TAF5L: variants seen among roughly 807,000 people sequenced by gnomAD.
The protein encoded by TAF5L is TAF5-like RNA polymerase II p300/CBP-associated factor-associated factor 65 kDa subunit 5L.
A neutral mutation model predicts 51.3 loss-of-function variants in TAF5L; 7 were observed. The ratio of observed to expected loss-of-function variants is 0.14; its 90% CI spans 0.08 to 0.26. TAF5L has a LOEUF of 0.26. Among genes scored for constraint, TAF5L ranks in the 10% least tolerant of loss-of-function variants. The pLI is 1.00. For missense variants in TAF5L, 575 were observed against 758.9 expected (o/e 0.76, Z 2.85); for synonymous variants, 291 against 308.1 (o/e 0.94, Z 0.58).
intron 4 of TAF5L, chr1:229,600,291 T>C (rs1243401199): frequency 1.0e-6 from 1 of 985,418 alleles, no homozygotes; most frequent in Non-Finnish European, 1.2e-6. Flanking sequence ...AATAGGAGAA[T>C]CTCAGCTTTA....
intron 1 of TAF5L, among the ~76,000 whole-genome samples, chr1:229,617,328 C>T (rs894325097): frequency 2.6e-5 from 4 of 152,310 alleles, no homozygotes; most frequent in African/African-American, 7.2e-5. Context: ...TGTCCTTTCC[C>T]GTGTGGCCCA....
intron 1 of TAF5L, among the ~76,000 whole-genome samples, chr1:229,616,417 G>A (rs1665007811): frequency 6.6e-6 from 1 of 150,930 alleles, no homozygotes; most frequent in African/African-American, 2.4e-5. Context: ...TGTTGTCCAG[G>A]GTGGTCTCAA....
intron 4 of TAF5L, chr1:229,600,155 AC>A (rs1664317823): frequency 1.0e-6 from 1 of 985,346 alleles, no homozygotes; most frequent in Non-Finnish European, 1.2e-6. Flanking sequence ...AACATTAAAC[AC>A]CAACTATCGT....
chr1:229,611,421 T>C (rs545492171), intron 2 of TAF5L, among the ~76,000 whole-genome samples: 79 of 152,168 alleles, frequency 5.2e-4, no homozygotes, highest in African/African-American at 1.8e-3. Context: ...CAATGGAATA[T>C]GGATGGAGAA....
chr1:229,606,416 A>G, intron 3 of TAF5L: 3 of 985,116 alleles, frequency 3.0e-6, no homozygotes, highest in Non-Finnish European at 3.6e-6. Flanking sequence ...ATGAATGCCT[A>G]CCTGGTGCCC....
intron 1 of TAF5L, among the ~76,000 whole-genome samples, chr1:229,624,153 T>C (rs1052479408): frequency 6.6e-6 from 1 of 152,214 alleles, no homozygotes; most frequent in Non-Finnish European, 1.5e-5. Flanking sequence ...AATATATTGC[T>C]TGCAAAACCA....
At chr1:229,611,449 A>G (rs1212351521) in intron 2 of TAF5L, among the ~76,000 whole-genome samples, 3 of 152,194 alleles carry the variant, frequency 2.0e-5, no homozygotes, top group Non-Finnish European at 4.4e-5. Flanking sequence ...TGAATGTGGC[A>G]GGACTGAGGG....
intron 1 of TAF5L, among the ~76,000 whole-genome samples, chr1:229,615,731 C>T (rs536505745): frequency 6.6e-6 from 1 of 152,226 alleles, no homozygotes; most frequent in African/African-American, 2.4e-5. Context: ...ATAAATACTG[C>T]AGTCCAGATG....
At chr1:229,615,506 AATT>A (rs1350570414) in intron 1 of TAF5L, among the ~76,000 whole-genome samples, 1 of 152,190 alleles carries the variant, frequency 6.6e-6, no homozygotes, top group African/African-American at 2.4e-5. Context: ...ATGTCTCATA[AATT>A]CCTGTAAGAA....
chr1:229,606,074 A>G, intron 3 of TAF5L: 1 of 923,036 alleles, frequency 1.1e-6, no homozygotes, highest in Non-Finnish European at 1.3e-6. Context: ...GTTTAGAAAA[A>G]AACCTAGCTA....
intron 2 of TAF5L, 45 bp from the exon 3 acceptor site, chr1:229,610,255 C>A (rs760525162): frequency 6.3e-7 from 1 of 1,575,798 alleles, no homozygotes; most frequent in East Asian, 2.2e-5. Flanking sequence ...AACAGAGAGA[C>A]GATTATTAAC....
chr1:229,606,156 T>C (rs775609600), intron 3 of TAF5L: 410 of 985,324 alleles, frequency 4.2e-4, no homozygotes, highest in Non-Finnish European at 4.7e-4. Context: ...GGTTCAAAAT[T>C]GCTTAATTGC....
At chr1:229,617,994 G>A (rs182029922) in intron 1 of TAF5L, among the ~76,000 whole-genome samples, 10 of 152,064 alleles carry the variant, frequency 6.6e-5, no homozygotes, top group African/African-American at 2.2e-4. Context: ...CTAGAGACAC[G>A]ACCCAATCAA....
chr1:229,594,383 G>C lies in TAF5L; in HGVS notation c.1684C>G (p.Gln562Glu), dbSNP rs370220769. Residue 562 changes from glutamine to glutamate, a missense_variant, in exon 5 of 5, where the codon CAG becomes GAG. Gln to Glu is a conservative substitution (Grantham distance 29). Coordinates refer to ENST00000258281, the Ensembl canonical transcript of TAF5L. The surrounding 1 kb of genome is among the most constrained non-coding windows in gnomAD (Gnocchi z 7.9). ...TGCACGCTCAGGACGTTGCTCATCT[G>C]CCCGGTGTACACGCCCACGAGCTCG... is the stretch of plus-strand genomic sequence containing the variant. 253 of 1,614,174 alleles carry C rather than the reference G, an allele frequency of 1.6e-4. No homozygotes were observed. Among genetic ancestry groups the C allele is most frequent in the Admixed American group, 3.2e-4 (19 of 60,028 alleles).
intron 4 of TAF5L, among the ~76,000 whole-genome samples, chr1:229,596,452 A>G (rs1033438229): frequency 1.3e-5 from 2 of 152,230 alleles, no homozygotes; most frequent in African/African-American, 2.4e-5. Context: ...TTCAAAATAA[A>G]TAAGAATGAA....
chr1:229,607,762 A>T (rs1402900002), intron 3 of TAF5L: 2 of 152,208 alleles, frequency 1.3e-5, no homozygotes, highest in Non-Finnish European at 2.9e-5. Context: ...TAGATTAATG[A>T]GTATATCTTA....
At chr1:229,621,492 CACTG>C (rs1216631586) in intron 1 of TAF5L, among the ~76,000 whole-genome samples, 1 of 152,144 alleles carries the variant, frequency 6.6e-6, no homozygotes, top group Non-Finnish European at 1.5e-5. Flanking sequence ...GTTTTCTAAA[CACTG>C]ACAATATACA....
chr1:229,618,852 C>T (rs905922911), intron 1 of TAF5L, among the ~76,000 whole-genome samples: 4 of 152,086 alleles, frequency 2.6e-5, no homozygotes, highest in Non-Finnish European at 5.9e-5. Flanking sequence ...CACAGTTCCA[C>T]GAAATGCCAA....
intron 3 of TAF5L, among the ~76,000 whole-genome samples, chr1:229,605,017 A>C (rs1397931566): frequency 6.6e-6 from 1 of 151,954 alleles, no homozygotes; most frequent in Non-Finnish European, 1.5e-5. Flanking sequence ...GGCTCATTGC[A>C]TCCTCTGCCT....
Sources: allele counts gnomAD v4.1 joint callset (sites outside exome capture counted in the v4.1 genomes callset), GRCh38; gene constraint gnomAD v4.1.1; non-coding constraint Gnocchi (gnomAD v3.1); transcripts MANE v1.5; gene names NCBI Gene and HGNC (gene_info 2026-07-23, HGNC 2026-07-21).